TNRC6C: variants seen among roughly 807,000 people sequenced by gnomAD.
TNRC6C encodes the protein trinucleotide repeat containing adaptor 6C, also known as trinucleotide repeat-containing gene 6C protein.
A neutral mutation model predicts 153.7 loss-of-function variants in TNRC6C; 20 were observed. That is an observed-to-expected ratio of 0.13 (90% CI 0.09 to 0.19). The LOEUF is 0.19. TNRC6C is among the 10% of genes least tolerant of loss of function. The pLI is 1.00. For missense variants in TNRC6C, 1,987 were observed against 2,172.0 expected, an observed-to-expected ratio of 0.91 and a Z score of 1.69; for synonymous variants, 811 against 841.4, an observed-to-expected ratio of 0.96 and a Z score of 0.63.
intron 2 of TNRC6C, among the ~76,000 whole-genome samples, chr17:78,034,161 CT>C (rs1248423943): frequency 6.6e-6 from 1 of 152,190 alleles, no homozygotes; most frequent in Non-Finnish European, 1.5e-5. Context: ...TCAAGTGATT[CT>C]CCTGCCTGCC....
rs142853561 is a variant in TNRC6C, at chr17:78,082,400, T to G, written c.3358-647T>G. Among the ~76,000 whole-genome samples the G allele has an allele frequency of 1.9e-4, 29 of 152,232 alleles. 1 individual carries two copies. In the East Asian group the frequency reaches 5.6e-3, roughly 29 times the overall value. On this transcript the variant is annotated intron_variant, in intron 10 of 19. Transcript: ENST00000301624. ...ACAGGGATAAGAATTTACAATATAG[T>G]GTGTGCATCAGCAGTTTCTAACAGA...
chr17:78,007,205 T>C (rs778452405), intron 1 of TNRC6C, among the ~76,000 whole-genome samples: 1 of 152,210 alleles, frequency 6.6e-6, no homozygotes, highest in Non-Finnish European at 1.5e-5. Flanking sequence ...TCTCCTTCTA[T>C]ATCCTCTAAA....
At chr17:78,082,968 TG>T in intron 10 of TNRC6C, 78 bp from the exon 13 acceptor site, 2 of 1,535,728 alleles carry the variant, frequency 1.3e-6, no homozygotes, top group Non-Finnish European at 1.8e-6. Context: ...TAATCATTTT[TG>T]AATTTTGAAA....
chr17:78,024,916 C>T (rs902944848), intron 1 of TNRC6C, among the ~76,000 whole-genome samples: 2 of 151,880 alleles, frequency 1.3e-5, no homozygotes, highest in African/African-American at 4.8e-5. Context: ...GCCTCAGCCT[C>T]CCGAGTAGCT....
In TNRC6C at chr17:78,015,970, G is replaced by A. The variant is rs115001490; in HGVS notation, c.-546+10891G>A. Among the ~76,000 whole-genome samples, 181 of 152,198 alleles carry A rather than the reference G, an allele frequency of 1.2e-3. 1 individual carries two copies. Among genetic ancestry groups the A allele is most frequent in the African/African-American group, 4.2e-3 (173 of 41,516 alleles). ...GTCTATATGCTCTTAACCAGATTTC[G>A]GCTGAAGAATATAGAAACTACTCTA... On this transcript the variant is annotated intron_variant, in intron 1 of 19. Coordinates refer to ENST00000301624, the Ensembl canonical transcript of TNRC6C.
chr17:78,003,198 A>G (rs551851526), upstream of TNRC6C, among the ~76,000 whole-genome samples: 1 of 152,288 alleles, frequency 6.6e-6, no homozygotes, highest in African/African-American at 2.4e-5. Context: ...TAATATCCCT[A>G]AAGCAAAACC....
At chr17:78,044,073 A>G (rs1345309111) in intron 2 of TNRC6C, among the ~76,000 whole-genome samples, 1 of 152,214 alleles carries the variant, frequency 6.6e-6, no homozygotes, top group African/African-American at 2.4e-5. Context: ...GTATATACCT[A>G]GGATTGAGGT....
At chr17:78,030,407 G>A (rs899771307) in intron 1 of TNRC6C, among the ~76,000 whole-genome samples, 2 of 151,922 alleles carry the variant, frequency 1.3e-5, no homozygotes, top group Non-Finnish European at 2.9e-5. Context: ...CAGGTGATCC[G>A]CCCACCGTGG....
intron 1 of TNRC6C, among the ~76,000 whole-genome samples, chr17:78,017,740 G>A (rs60074485): frequency 6.6e-6 from 1 of 152,200 alleles, no homozygotes; most frequent in Non-Finnish European, 1.5e-5. Flanking sequence ...TACCTCTCCA[G>A]CCTCCTGTGA....
chr17:77,997,667 A>AT, intron 1 of TNRC6C, among the ~76,000 whole-genome samples: 1 of 145,214 alleles, frequency 6.9e-6, no homozygotes, highest in African/African-American at 2.5e-5. Context: ...TTTTTTTTTT[A>AT]TTTTTTTGAG....
At chr17:78,091,478 A>G (rs760972607) in exon 14 of TNRC6C, 52 of 1,607,610 alleles carry the variant, frequency 3.2e-5, no homozygotes, top group Non-Finnish European at 3.7e-5. Flanking sequence ...CAGCATGGAC[A>G]TGACCGGTGG....
intron 6 of TNRC6C, among the ~76,000 whole-genome samples, chr17:78,071,525 C>G (rs1159084150): frequency 6.6e-6 from 1 of 151,854 alleles, no homozygotes; most frequent in Non-Finnish European, 1.5e-5. Flanking sequence ...AGAGCTGGGA[C>G]TACAGGCGTG....
At position 78,083,175 on chromosome 17, in the gene TNRC6C, A is replaced by T. The variant is rs7208399; in HGVS notation, c.3477+9A>T. On this transcript the variant is annotated intron_variant, in intron 11 of 19. Coordinates refer to ENST00000301624, the Ensembl canonical transcript of TNRC6C. Reference sequence around the variant, plus strand: ...TCTATCAGCTGCAGCTGGTGAGTGGATAGACCCATGCAAGTTAGAGCACGC... The same window carrying T: ...TCTATCAGCTGCAGCTGGTGAGTGGTTAGACCCATGCAAGTTAGAGCACGC... 2.4e-3 allele frequency: 3,846 copies of T among 1,613,684 alleles called. 86 individuals are homozygous for T. The African/African-American group carries it at 0.045, about 19-fold the overall frequency.
chr17:77,984,150 C>A (rs991306091), intron 1 of TNRC6C, among the ~76,000 whole-genome samples: 2 of 152,134 alleles, frequency 1.3e-5, no homozygotes, highest in African/African-American at 2.4e-5. Flanking sequence ...AGACATTTCC[C>A]TTTGGTGAGC....
intron 13 of TNRC6C, among the ~76,000 whole-genome samples, chr17:78,090,091 A>G (rs2073367083): frequency 6.6e-6 from 1 of 152,204 alleles, no homozygotes; most frequent in African/African-American, 2.4e-5. Context: ...GCCCTGTGGC[A>G]CTGATGGGCT....
At chr17:78,036,614 G>A (rs1042858697) in intron 2 of TNRC6C, among the ~76,000 whole-genome samples, 22 of 152,102 alleles carry the variant, frequency 1.4e-4, no homozygotes, top group African/African-American at 1.9e-4. Flanking sequence ...ACAAGGCAAC[G>A]GGCGAAATTA....
rs139132079 is a variant in TNRC6C at position 78,054,594 on chromosome 17, A to G, written c.2395+3137A>G. 8.0e-5 allele frequency among the ~76,000 whole-genome samples: 12 copies of G among 150,082 alleles called. No individual in the cohort carries two copies. The East Asian group carries it at 2.2e-3, about 28-fold the overall frequency. On this transcript the variant is annotated intron_variant, in intron 3 of 19. Coordinates refer to ENST00000301624, the Ensembl canonical transcript of TNRC6C. ...CCACTGCAGACTACTGTAGACTACT[A>G]TACACCACTGCAGACTACTGTAGAC... is the stretch of plus-strand genomic sequence containing the variant.
chr17:78,001,321 T>C (rs1028930293), upstream of TNRC6C, among the ~76,000 whole-genome samples: 31 of 152,210 alleles, frequency 2.0e-4, no homozygotes, highest in Non-Finnish European at 2.9e-5. Context: ...GGCCCAGCAG[T>C]TGAGCCCATA....
Position 78,078,770 on chromosome 17 carries a change from G to T in TNRC6C, c.3211-625G>T, listed in dbSNP as rs558773100. Among the ~76,000 whole-genome samples the T allele has an allele frequency of 2.6e-5, 4 of 152,104 alleles. No homozygotes were observed. The East Asian group carries it at 5.8e-4, about 22-fold the overall frequency. Reference sequence around the variant, plus strand: ...CCCTGAGGTCAGGAGTTTGAGACCAGCCAGGACAACATGGCAAAACCCCGT... The same window carrying T: ...CCCTGAGGTCAGGAGTTTGAGACCATCCAGGACAACATGGCAAAACCCCGT... On this transcript the variant is annotated intron_variant, in intron 9 of 19. Transcript: ENST00000301624.
Sources: allele counts gnomAD v4.1 joint callset (sites outside exome capture counted in the v4.1 genomes callset), GRCh38; gene constraint gnomAD v4.1.1; transcripts MANE v1.5; gene names NCBI Gene and HGNC (gene_info 2026-07-23, HGNC 2026-07-21).